Variants in VAV2 observed in about 807,000 individuals in gnomAD.
VAV2 encodes the protein guanine nucleotide exchange factor VAV2.
In VAV2, 67 loss-of-function variants were observed where a neutral mutation model predicts 132.5. The ratio of observed to expected loss-of-function variants is 0.51; its 90% confidence interval spans 0.42 to 0.62. The LOEUF (loss-of-function observed/expected upper bound fraction) is 0.62. Ranked by LOEUF, VAV2 falls within the 20% of genes least tolerant of loss-of-function variation. The pLI is 0.00. For missense variants in VAV2, 938 were observed against 1,153.6 expected, an observed-to-expected ratio of 0.81 and a Z score of 2.71; for synonymous variants, 492 against 443.5, an observed-to-expected ratio of 1.11 and a Z score of -1.37.
Position 133,857,424 on chromosome 9 carries a change from A to G in VAV2, c.380+3950T>C, listed in dbSNP as rs1381523969. Among the ~76,000 whole-genome samples the G allele has an allele frequency of 6.6e-6, 1 of 152,180 alleles. No homozygotes were observed. The highest frequency in any genetic ancestry group is 6.5e-5 in the Admixed American group (1 of 15,282). On this transcript the variant is annotated intron_variant, in intron 3 of 29. Transcript: ENST00000371850. This position sits in a 1 kb window ranked among gnomAD's most constrained non-coding sequence, Gnocchi z 4.0. Reference sequence around the variant, plus strand: ...AGAAGTATAATTGGGGCTTTTATGGAAAATCAGCTCATTATGCAAAGTGCA... The same window carrying G: ...AGAAGTATAATTGGGGCTTTTATGGGAAATCAGCTCATTATGCAAAGTGCA...
At chr9:133,882,938 G>A (rs893494710) in intron 2 of VAV2, among the ~76,000 whole-genome samples, 16 of 152,072 alleles carry the variant, frequency 1.1e-4, no homozygotes, top group Admixed American at 7.2e-4. Context: ...AGTCAGGGAC[G>A]GTGTGCTGTG....
chr9:133,829,997 G>A (rs1331901774), intron 4 of VAV2, among the ~76,000 whole-genome samples: 3 of 152,056 alleles, frequency 2.0e-5, no homozygotes, highest in Non-Finnish European at 2.9e-5. Context: ...AGAGTGTTTA[G>A]GAACCAGCTG....
intron 3 of VAV2, among the ~76,000 whole-genome samples, chr9:133,846,581 C>T (rs760046642): frequency 4.0e-5 from 4 of 100,148 alleles, no homozygotes; most frequent in Non-Finnish European, 6.0e-5. Context: ...CCCGGCCGCT[C>T]TCTATCCAGG....
rs1168624120 is a variant in VAV2, at chr9:133,871,440, T to TGATG, written c.322-10012_322-10009dup. ...TGGATGGACAGATGGATGGATTGAT[T>TGATG]GATGGATGGATGGATGGATGGAGAA... On this transcript the variant is annotated intron_variant, in intron 2 of 29. Transcript: ENST00000371850. 8.9e-3 allele frequency among the ~76,000 whole-genome samples: 1,229 copies of TGATG among 138,362 alleles called. 17 individuals are homozygous for TGATG. Among genetic ancestry groups the TGATG allele is most frequent in the South Asian group, 0.025 (107 of 4,210 alleles). The allele number at this position is 138,362 out of a possible 152,430, so 90.8% of individuals were successfully genotyped here. A position where few individuals can be genotyped will look rare whatever the true frequency, so the allele number is the denominator to read the frequency against.
At chr9:133,821,458 G>A (rs1387071642) in intron 4 of VAV2, among the ~76,000 whole-genome samples, 1 of 152,168 alleles carries the variant, frequency 6.6e-6, no homozygotes, top group African/African-American at 2.4e-5. Context: ...TCTGCAACAG[G>A]AGAGTGACAG....
At chr9:133,939,696 G>A (rs1011908307) in intron 1 of VAV2, among the ~76,000 whole-genome samples, 26 of 152,368 alleles carry the variant, frequency 1.7e-4, no homozygotes, top group Non-Finnish European at 1.5e-5. Context: ...AATGGATGGC[G>A]CATGCTCACG....
rs1306186548 is a variant in VAV2 at position 133,912,191 on chromosome 9, C to T, written c.321+26912G>A. Among the ~76,000 whole-genome samples, 1 of 152,218 alleles carries T rather than the reference C, an allele frequency of 6.6e-6. No individual in the cohort carries two copies. The highest frequency in any genetic ancestry group is 1.5e-5 in the Non-Finnish European group (1 of 68,042). On this transcript the variant is annotated intron_variant, in intron 2 of 29. Coordinates refer to ENST00000371850, the MANE Select transcript of VAV2 (RefSeq NM_001134398.2). This position sits in a 1 kb window ranked among gnomAD's most constrained non-coding sequence, Gnocchi z 4.3. ...GATCAGCTGCGGCTACAGTCCCGGC[C>T]TCCAACACACGTGGGAGAAGGGCTG...
intron 3 of VAV2, among the ~76,000 whole-genome samples, chr9:133,841,204 G>A (rs747546284): frequency 1.3e-5 from 2 of 152,050 alleles, no homozygotes; most frequent in Non-Finnish European, 2.9e-5. Context: ...GGTTCAATGG[G>A]GAGCACGACC....
Position 133,764,029 on chromosome 9 carries a change from G to GA in VAV2, c.*32dup. 3 of 1,613,918 alleles carry GA rather than the reference G, an allele frequency of 1.9e-6. No homozygotes were observed. Among genetic ancestry groups the GA allele is most frequent in the Non-Finnish European group, 2.5e-6 (3 of 1,179,866 alleles). ...TTCAGGGCTGGAGTGACTCTCCCAAGAAAATCTGCGAGTCTTGTCCACGTT... is the reference window on the plus strand; with the variant it reads ...TTCAGGGCTGGAGTGACTCTCCCAAGAAAAATCTGCGAGTCTTGTCCACGTT... On this transcript the variant is annotated 3_prime_UTR_variant, in exon 30 of 30. Transcript: ENST00000371850.
chr9:133,975,611 G>C (rs1842479225), intron 1 of VAV2, among the ~76,000 whole-genome samples: 1 of 152,066 alleles, frequency 6.6e-6, no homozygotes. Flanking sequence ...AAATGACAAA[G>C]GACACAAAGT....
intron 3 of VAV2, 175 bp downstream of exon 3, chr9:133,861,199 C>A: frequency 1.6e-6 from 1 of 612,992 alleles, no homozygotes; most frequent in Non-Finnish European, 2.6e-6. Context: ...AAGCCTCCCG[C>A]CCCCCACACC....
Position 133,769,434 on chromosome 9 carries a change from G to A in VAV2, c.2417C>T (p.Ser806Phe). 1.2e-6 allele frequency: 2 copies of A among 1,612,842 alleles called. No individual in the cohort carries two copies. Among genetic ancestry groups the A allele is most frequent in the Non-Finnish European group, 1.7e-6 (2 of 1,179,474 alleles). Residue 806 changes from serine (S) to phenylalanine (F), a missense_variant, in exon 28 of 30, where the codon TCC (serine) becomes TTC (phenylalanine). Ser to Phe is a radical substitution (Grantham distance 155). Transcript: ENST00000371850. The surrounding 1 kb of genome is among the most constrained non-coding windows in gnomAD (Gnocchi z 8.1). ...QGLSFASQGP[S>F]APFWSVFTPR... ...AGCGGTACCTGACCAGAAGGGAGCG[G>A]AGGGGCCCTGAGAAGCAAAGCTGAG...
intron 1 of VAV2, among the ~76,000 whole-genome samples, chr9:133,942,205 C>T (rs1039051097): frequency 6.6e-6 from 1 of 152,236 alleles, no homozygotes; most frequent in Non-Finnish European, 1.5e-5. Flanking sequence ...GAGACACAGA[C>T]CCACGAGGAG....
At chr9:133,781,992 G>A (rs1564339909) in intron 19 of VAV2, among the ~76,000 whole-genome samples, 1 of 152,182 alleles carries the variant, frequency 6.6e-6, no homozygotes, top group South Asian at 2.1e-4. Context: ...TTGGGGCCTC[G>A]TGGCAGCTGG....
chr9:133,788,381 G>A lies in VAV2; in HGVS notation c.1380C>T (p.Asp460=), dbSNP rs768671043. 1.2e-6 allele frequency: 2 copies of A among 1,611,164 alleles called. No homozygotes were observed. Among genetic ancestry groups the A allele is most frequent in the South Asian group, 2.2e-5 (2 of 91,008 alleles). ...IELLFHKMTD[D]PMNNKDVKKS... Reference sequence around the variant, plus strand: ...TCTTGACGTCCTTGTTGTTCATGGGGTCGTCGGTCATCTTGTGGAACAGCA... The same window carrying A: ...TCTTGACGTCCTTGTTGTTCATGGGATCGTCGGTCATCTTGTGGAACAGCA... The change falls in exon 15 of 30, where the codon GAC becomes GAT. Residue 460 remains aspartate (D), a synonymous_variant. Transcript: ENST00000371850. This position sits in a 1 kb window ranked among gnomAD's most constrained non-coding sequence, Gnocchi z 5.3.
chr9:133,869,783 GC>G (rs1000352900), intron 2 of VAV2, among the ~76,000 whole-genome samples: 12 of 152,236 alleles, frequency 7.9e-5, no homozygotes, highest in African/African-American at 2.6e-4. Flanking sequence ...CACAGACCTG[GC>G]CCCAGCCGCA....
At chr9:133,764,646 T>C (rs1383999432) in intron 29 of VAV2, among the ~76,000 whole-genome samples, 2 of 152,022 alleles carry the variant, frequency 1.3e-5, no homozygotes, top group African/African-American at 2.4e-5. Flanking sequence ...AATAGAGGGA[T>C]TTAGACAAAG....
rs114000369 is a variant in VAV2, at chr9:133,970,013, C to T, written c.204+22062G>A. Among the ~76,000 whole-genome samples, 593 of 152,278 alleles carry T rather than the reference C, an allele frequency of 3.9e-3. 2 individuals are homozygous for T. The highest frequency in any genetic ancestry group is 0.014 in the African/African-American group (577 of 41,556). ...CTCAGAGTTCCTGCCACCCCCCAGA[C>T]GTGCAGGGTGGTCTGCACCCCCTGG... On this transcript the variant is annotated intron_variant, in intron 1 of 29. Transcript: ENST00000371850.
intron 2 of VAV2, among the ~76,000 whole-genome samples, chr9:133,907,215 A>G (rs1432926670): frequency 9.2e-5 from 14 of 152,164 alleles, no homozygotes; most frequent in Admixed American, 9.2e-4. Flanking sequence ...CCAGCACCTC[A>G]AATTCATCCT....
Sources: gnomAD v4.1 joint callset for allele counts (sites outside exome capture counted in the v4.1 genomes callset) on GRCh38, gnomAD v4.1.1 for gene constraint, Gnocchi (gnomAD v3.1) non-coding constraint, MANE v1.5 for transcripts, NCBI Gene and HGNC (gene_info 2026-07-23, HGNC 2026-07-21) for gene names.